The following RBM47 variants were observed in gnomAD, a reference collection of about 807,000 sequenced individuals.
RBM47 encodes RNA binding motif protein 47.
In RBM47, 21 loss-of-function variants were observed where a neutral mutation model predicts 47.1. The observed-to-expected ratio is 0.45, with a 90% CI of 0.32 to 0.64. RBM47 has a LOEUF of 0.64. RBM47 is among the 30% of genes least tolerant of loss of function. The pLI, the probability that RBM47 is intolerant of heterozygous loss-of-function variation, is 0.05. For missense variants in RBM47, 708 were observed against 870.9 expected (o/e 0.81, Z 2.35); for synonymous variants, 375 against 361.7 (o/e 1.04, Z -0.42).
intron 2 of RBM47, among the ~76,000 whole-genome samples, chr4:40,534,162 C>T (rs750295846): frequency 1.3e-5 from 2 of 151,224 alleles, no homozygotes; most frequent in East Asian, 3.9e-4. Context: ...GATGGGGTCT[C>T]ACTATGTTGC....
chr4:40,426,140 G>A lies in RBM47; in HGVS notation c.1546C>T (p.Arg516Cys), dbSNP rs751791605. The A allele has an allele frequency of 6.2e-7, 1 of 1,613,548 alleles. No homozygotes were observed. The highest frequency in any genetic ancestry group is 8.5e-7 in the Non-Finnish European group (1 of 1,179,668). ...ACCGTGTATACTGGAGTTATTGGGC[G>A]GCCCTGAGGAGAAGAGACAAAAAGG... ...TVSTPPPFQG[R>C]PITPVYTVAP... The change falls in exon 7 of 7, where the codon CGC (arginine) becomes TGC (cysteine). Residue 516 changes from arginine to cysteine, a missense_variant. By Grantham distance (180) the Arg-to-Cys change is radical. Coordinates refer to ENST00000295971, the MANE Select transcript of RBM47 (RefSeq NM_001098634.2).
At chr4:40,591,536 A>G (rs1254190612) in intron 1 of RBM47, among the ~76,000 whole-genome samples, 1 of 151,984 alleles carries the variant, frequency 6.6e-6, no homozygotes, top group Non-Finnish European at 1.5e-5. Flanking sequence ...CTCAACTAAA[A>G]ATACAAAATT....
intron 1 of RBM47, among the ~76,000 whole-genome samples, chr4:40,600,461 C>T (rs1411147079): frequency 1.3e-5 from 2 of 149,988 alleles, no homozygotes. Flanking sequence ...GGTGAAACCC[C>T]GTCTCTACTA....
chr4:40,561,420 T>C (rs1335499873), intron 1 of RBM47, among the ~76,000 whole-genome samples: 2 of 151,804 alleles, frequency 1.3e-5, no homozygotes, highest in Admixed American at 6.6e-5. Flanking sequence ...TCAGTAGAGA[T>C]GGGATGTTGA....
At chr4:40,476,159 G>T (rs1182203828) in intron 2 of RBM47, among the ~76,000 whole-genome samples, 1 of 152,096 alleles carries the variant, frequency 6.6e-6, no homozygotes, top group Non-Finnish European at 1.5e-5. Context: ...AAACAATAAT[G>T]CCCACCTTGT....
In RBM47 at chr4:40,424,960, A is replaced by G. The variant is rs1375618097; in HGVS notation, c.*944T>C. 3 of 145,880 alleles carry G rather than the reference A, an allele frequency of 2.1e-5. No individual in the cohort carries two copies. Among genetic ancestry groups the G allele is most frequent in the African/African-American group, 7.9e-5 (3 of 38,188 alleles). 9.0% of individuals were successfully genotyped at this position (145,880 alleles called of 1,614,324 possible). A position where few individuals can be genotyped will look rare whatever the true frequency, so the allele number is the denominator to read the frequency against. ...CTACTGAAAATAGCACACGTAGAAG[A>G]CAATACTTCCCCAACCAAACAAAAA... is the stretch of plus-strand genomic sequence containing the variant. On this transcript the variant is annotated 3_prime_UTR_variant, in exon 7 of 7. Coordinates refer to ENST00000295971, the MANE Select transcript of RBM47 (RefSeq NM_001098634.2).
At chr4:40,507,338 C>A (rs1724244744) in intron 2 of RBM47, among the ~76,000 whole-genome samples, 2 of 138,090 alleles carry the variant, frequency 1.4e-5, no homozygotes, top group Admixed American at 1.4e-4. Flanking sequence ...ACTTGAAATT[C>A]ACCTAACTTT....
At chr4:40,483,381 C>G (rs1247695462) in intron 2 of RBM47, among the ~76,000 whole-genome samples, 2 of 152,142 alleles carry the variant, frequency 1.3e-5, no homozygotes, top group Non-Finnish European at 2.9e-5. Context: ...AACAGAACAA[C>G]AAGAAAGGGG....
intron 1 of RBM47, among the ~76,000 whole-genome samples, chr4:40,573,460 A>C (rs1360965584): frequency 2.7e-5 from 4 of 149,886 alleles, no homozygotes. Flanking sequence ...GAGGGTAACT[A>C]GGCTGGGCAT....
chr4:40,553,710 G>A (rs35418197), intron 1 of RBM47, among the ~76,000 whole-genome samples: 12,324 of 152,128 alleles, frequency 0.081, 625 homozygotes, highest in East Asian at 0.14. Context: ...CCTAACGCAG[G>A]GTCTAGCACT....
intron 1 of RBM47, among the ~76,000 whole-genome samples, chr4:40,553,714 T>C (rs184403771): frequency 1.1e-4 from 16 of 152,338 alleles, no homozygotes; most frequent in African/African-American, 3.8e-4. Context: ...ACGCAGGGTC[T>C]AGCACTAGTC....
rs928320614 is a variant in RBM47, at chr4:40,616,531, C to G, written c.-240+12865G>C. On this transcript the variant is annotated intron_variant, in intron 1 of 6. Transcript: ENST00000295971. ...CGGATAAAGCTTCCACCGCTATAAG[C>G]TCCAAAAGCCCTGTGTGTTGCTCAC... 2.0e-5 allele frequency among the ~76,000 whole-genome samples: 3 copies of G among 152,038 alleles called. No individual in the cohort carries two copies. The South Asian group carries it at 6.2e-4, about 32-fold the overall frequency.
chr4:40,436,977 T>C (rs1210235865), intron 4 of RBM47: 2 of 434,988 alleles, frequency 4.6e-6, no homozygotes, highest in Non-Finnish European at 9.1e-6. Context: ...TGGTGTCTTA[T>C]GCCTGTAATC....
At chr4:40,536,234 C>T (rs549104501) in intron 2 of RBM47, among the ~76,000 whole-genome samples, 4 of 152,288 alleles carry the variant, frequency 2.6e-5, no homozygotes, top group East Asian at 3.9e-4. Context: ...TGTCTGCCCA[C>T]GGTGCAGCAA....
chr4:40,453,924 T>TTTTTTTTTGATAGATAGATATTTTTTTG (rs1715836723), intron 3 of RBM47, among the ~76,000 whole-genome samples: 1 of 152,218 alleles, frequency 6.6e-6, no homozygotes, highest in East Asian at 1.9e-4. Context: ...TAATGATAGT[T>TTTTTTTTTGATAGATAGATATTTTTTTG]AACTATTTTT....
In RBM47 at chr4:40,568,282, G is replaced by T. The variant is rs374737688; in HGVS notation, c.-239-23776C>A. ...CTCTACAAAAAAAACACAAAAATTAGCTGGGCATGGCGGCGCAGTGCCTCT... is the reference window on the plus strand; with the variant it reads ...CTCTACAAAAAAAACACAAAAATTATCTGGGCATGGCGGCGCAGTGCCTCT... On this transcript the variant is annotated intron_variant, in intron 1 of 6. Transcript: ENST00000295971. Among the ~76,000 whole-genome samples the T allele has an allele frequency of 2.2e-4, 33 of 151,542 alleles. 1 individual carries two copies. Among genetic ancestry groups the T allele is most frequent in the African/African-American group, 7.7e-4 (32 of 41,364 alleles).
At position 40,545,048 on chromosome 4, in the gene RBM47, C is replaced by CTTT. The variant is rs532170715; in HGVS notation, c.-239-545_-239-543dup. 5.3e-5 allele frequency among the ~76,000 whole-genome samples: 6 copies of CTTT among 114,234 alleles called. No individual in the cohort carries two copies. In the East Asian group the frequency reaches 1.0e-3, roughly 20 times the overall value. 74.9% of individuals were successfully genotyped at this position (114,234 alleles called of 152,430 possible). A position where few individuals can be genotyped will look rare whatever the true frequency, so the allele number is the denominator to read the frequency against. On this transcript the variant is annotated intron_variant, in intron 1 of 6. Coordinates refer to ENST00000295971, the MANE Select transcript of RBM47 (RefSeq NM_001098634.2). ...CCAGCCTGGAAAACAGAGTGAGATC[C>CTTT]TTTTTTTTTTTTTTTTTTTTTCAGA...
chr4:40,436,157 G>A (rs1712320619), intron 5 of RBM47, among the ~76,000 whole-genome samples: 1 of 146,532 alleles, frequency 6.8e-6, no homozygotes, highest in Admixed American at 7.0e-5. Context: ...GGGCGACAGA[G>A]CGAGACTCTG....
chr4:40,488,428 G>A (rs539056609), intron 2 of RBM47, among the ~76,000 whole-genome samples: 1 of 152,166 alleles, frequency 6.6e-6, no homozygotes, highest in South Asian at 2.1e-4. Context: ...ATAATTTATG[G>A]TACTTCCACC....
Sources: allele counts gnomAD v4.1 joint callset (sites outside exome capture counted in the v4.1 genomes callset), GRCh38; gene constraint gnomAD v4.1.1; transcripts MANE v1.5; gene names NCBI Gene and HGNC (gene_info 2026-07-23, HGNC 2026-07-21).